Variants in ADAMTSL1 observed in about 807,000 individuals in gnomAD.
The protein encoded by ADAMTSL1 is ADAMTS-like protein 1.
ADAMTSL1 carries 126 observed loss-of-function variants against 201.8 expected under a neutral mutation model. The observed-to-expected ratio is 0.62, with a 90% CI of 0.54 to 0.72. The LOEUF (loss-of-function observed/expected upper bound fraction) is 0.72. Among genes scored for constraint, ADAMTSL1 ranks in the 30% least tolerant of loss-of-function variants. The probability of loss-of-function intolerance (pLI) is 0.00; values close to 1 mark genes in which losing one functional copy is unlikely to be tolerated. For missense variants in ADAMTSL1, 2,679 were observed against 2,277.8 expected (o/e 1.18, Z -3.59); for synonymous variants, 1,121 against 903.4 (o/e 1.24, Z -4.32).
intron 2 of ADAMTSL1, among the ~76,000 whole-genome samples, chr9:18,288,271 G>A (rs778837244): frequency 1.1e-4 from 16 of 151,986 alleles, no homozygotes; most frequent in East Asian, 1.9e-4. Flanking sequence ...CAATGTCTCC[G>A]GCAGTCAAAG....
At chr9:18,126,066 C>T (rs934024163) in intron 1 of ADAMTSL1, among the ~76,000 whole-genome samples, 3 of 152,218 alleles carry the variant, frequency 2.0e-5, no homozygotes, top group Non-Finnish European at 4.4e-5. Flanking sequence ...GCTGACACAT[C>T]ACTCACATTC....
At position 18,366,627 on chromosome 9, in the gene ADAMTSL1, A is replaced by ATTTT. The variant is rs772034324; in HGVS notation, c.208-138165_208-138162dup. The stretch of plus-strand genomic sequence containing the variant: ...ATGGATAGTGCCTCTGAAATCACTA[A>ATTTT]TTTTTTTTTTTTTTTTTTTTTTTTT... On this transcript the variant is annotated intron_variant, in intron 2 of 29. Transcript: ENST00000680146. Among the ~76,000 whole-genome samples the ATTTT allele has an allele frequency of 1.7e-3, 188 of 112,788 alleles. 20 individuals are homozygous for ATTTT. Among genetic ancestry groups the ATTTT allele is most frequent in the African/African-American group, 5.9e-3 (172 of 29,052 alleles). 74.0% of individuals were successfully genotyped at this position (112,788 alleles called of 152,430 possible).
chr9:18,432,244 A>G (rs971920498), intron 2 of ADAMTSL1, among the ~76,000 whole-genome samples: 2 of 152,172 alleles, frequency 1.3e-5, no homozygotes, highest in African/African-American at 4.8e-5. Context: ...ACCAACCTCG[A>G]GTCTTTCACA....
At chr9:17,963,278 T>A (rs1817831675) in intron 1 of ADAMTSL1, among the ~76,000 whole-genome samples, 1 of 152,172 alleles carries the variant, frequency 6.6e-6, no homozygotes, top group Non-Finnish European at 1.5e-5. Flanking sequence ...ATGTTTGCTT[T>A]ATCATATATT....
intron 1 of ADAMTSL1, among the ~76,000 whole-genome samples, chr9:18,009,141 G>T (rs144859084): frequency 2.5e-3 from 385 of 152,078 alleles, no homozygotes; most frequent in African/African-American, 8.9e-3. Flanking sequence ...GTTCTTGCAT[G>T]CAGTTCACTC....
At chr9:18,869,125 GC>G (rs1827726897) in intron 23 of ADAMTSL1, among the ~76,000 whole-genome samples, 1 of 152,220 alleles carries the variant, frequency 6.6e-6, no homozygotes, top group African/African-American at 2.4e-5. Flanking sequence ...GCATCTGCAA[GC>G]CAAGGTACAC....
Position 18,542,641 on chromosome 9 carries a change from C to T in ADAMTSL1, c.237+9349C>T, listed in dbSNP as rs1325275240. Among the ~76,000 whole-genome samples the T allele has an allele frequency of 2.0e-5, 3 of 152,036 alleles. No homozygotes were observed. In the East Asian group the frequency reaches 5.8e-4, roughly 29 times the overall value. ...GAGAGAGCCCTCAGTAGAAACCAAC[C>T]TTGCAGACCCCTGATGTTGGCCTCC... On this transcript the variant is annotated intron_variant, in intron 3 of 28. Coordinates refer to ENST00000380548, the MANE Select transcript of ADAMTSL1 (RefSeq NM_001040272.6).
chr9:18,015,868 A>G (rs1159092827), intron 1 of ADAMTSL1, among the ~76,000 whole-genome samples: 2 of 151,992 alleles, frequency 1.3e-5, no homozygotes, highest in African/African-American at 4.8e-5. Context: ...AAGAGATTGT[A>G]ATGTGCAGTC....
intron 1 of ADAMTSL1, among the ~76,000 whole-genome samples, chr9:18,060,454 G>C (rs1822398205): frequency 6.6e-6 from 1 of 152,050 alleles, no homozygotes; most frequent in Admixed American, 6.5e-5. Flanking sequence ...TGTCCACTGA[G>C]GGTCAGAGTC....
chr9:18,338,993 C>T (rs917971897), intron 2 of ADAMTSL1, among the ~76,000 whole-genome samples: 11 of 152,122 alleles, frequency 7.2e-5, no homozygotes, highest in Non-Finnish European at 1.0e-4. Flanking sequence ...ATTGTCTATA[C>T]GTACCACCTT....
At position 18,889,420 on chromosome 9, in the gene ADAMTSL1, C is replaced by G. The variant is rs374501400; in HGVS notation, c.4463-148C>G. 4.3e-5 allele frequency: 36 copies of G among 840,694 alleles called. No homozygotes were observed. In the African/African-American group the frequency reaches 6.2e-4, roughly 14 times the overall value. 52.1% of individuals were successfully genotyped at this position (840,694 alleles called of 1,614,324 possible). The stretch of plus-strand genomic sequence containing the variant: ...CAAATAGTTCGGGAATGGTTCCCTG[C>G]GAGGAGCAGGGCCTCATTTATAATA... On this transcript the variant is annotated intron_variant, in intron 24 of 28. Transcript: ENST00000380548.
chr9:18,722,909 T>C, intron 15 of ADAMTSL1: 1 of 713,018 alleles, frequency 1.4e-6, no homozygotes, highest in South Asian at 1.5e-5. Context: ...CTGCCCCACC[T>C]GGTTCCACAT....
At position 18,574,044 on chromosome 9, in the gene ADAMTSL1, A is replaced by G; in HGVS notation, c.252A>G (p.Glu84=). ...TTTTTCTCCAGGACTGCCCACCAGA[A>G]GCAGGTGATTTCCGAGCTCAGCAAT... is the stretch of plus-strand genomic sequence containing the variant. The part of the protein sequence containing the change: ...RTCSNVDCPP[E]AGDFRAQQCS... The change falls in exon 4 of 29, where the codon GAA becomes GAG. Residue 84 remains glutamate (E), a synonymous_variant. Coordinates refer to ENST00000380548, the MANE Select transcript of ADAMTSL1 (RefSeq NM_001040272.6). 1 of 1,613,510 alleles carries G rather than the reference A, an allele frequency of 6.2e-7. No homozygotes were observed. Among genetic ancestry groups the G allele is most frequent in the South Asian group, 1.1e-5 (1 of 91,062 alleles).
intron 13 of ADAMTSL1, among the ~76,000 whole-genome samples, chr9:18,693,506 T>C (rs558473993): frequency 6.6e-6 from 1 of 152,348 alleles, no homozygotes; most frequent in Admixed American, 6.5e-5. Context: ...ACTCCTACAA[T>C]AGGAAGAGGT....
chr9:18,632,597 G>T (rs1025321099), intron 5 of ADAMTSL1, among the ~76,000 whole-genome samples: 1 of 152,078 alleles, frequency 6.6e-6, no homozygotes, highest in African/African-American at 2.4e-5. Context: ...GGACCATCTC[G>T]TGGGGCTAGT....
intron 2 of ADAMTSL1, among the ~76,000 whole-genome samples, chr9:18,464,568 C>T (rs1014942274): frequency 7.2e-5 from 11 of 152,044 alleles, no homozygotes; most frequent in African/African-American, 2.7e-4. Context: ...TGTAGAATAG[C>T]CTTGGAAAAT....
At chr9:18,514,496 C>A (rs1048173715) in intron 2 of ADAMTSL1, among the ~76,000 whole-genome samples, 1 of 151,606 alleles carries the variant, frequency 6.6e-6, no homozygotes, top group Non-Finnish European at 1.5e-5. Context: ...TGCCCGGCTA[C>A]TTTTTTTGTA....
At chr9:17,959,980 TTCAGATGGGACAGAGAACCCAA>T (rs1817671579) in intron 1 of ADAMTSL1, among the ~76,000 whole-genome samples, 1 of 152,130 alleles carries the variant, frequency 6.6e-6, no homozygotes, top group Non-Finnish European at 1.5e-5. Flanking sequence ...TAGGATTAAT[TTCAGATGGGACAGAGAACCCAA>T]AGTTGCAGTG....
chr9:18,530,577 A>T (rs1312387729), intron 2 of ADAMTSL1, among the ~76,000 whole-genome samples: 1 of 152,180 alleles, frequency 6.6e-6, no homozygotes, highest in Non-Finnish European at 1.5e-5. Flanking sequence ...ATCTGCAGGC[A>T]TGCCAAATCT....
Sources: gnomAD v4.1 joint callset for allele counts (sites outside exome capture counted in the v4.1 genomes callset) on GRCh38, gnomAD v4.1.1 for gene constraint, MANE v1.5 for transcripts, NCBI Gene and HGNC (gene_info 2026-07-23, HGNC 2026-07-21) for gene names.